The following KCNJ6 variants were observed in gnomAD, a reference collection of about 807,000 sequenced individuals.
The protein encoded by KCNJ6 is G protein-activated inward rectifier potassium channel 2.
Under a neutral mutation model 34.2 loss-of-function variants are expected in KCNJ6, and 9 were observed. The ratio of observed to expected loss-of-function variants is 0.26; its 90% CI spans 0.16 to 0.46. The LOEUF (loss-of-function observed/expected upper bound fraction) is 0.46, where lower values mean the gene tolerates loss of function less well. Among genes scored for constraint, KCNJ6 ranks in the 20% least tolerant of loss-of-function variants. The probability of loss-of-function intolerance (pLI) is 1.00; values close to 1 mark genes in which losing one functional copy is unlikely to be tolerated. For synonymous variants in KCNJ6, 196 were observed against 207.1 expected, an observed-to-expected ratio of 0.95 and a Z score of 0.46; for missense variants, 236 against 531.3, an observed-to-expected ratio of 0.44 and a Z score of 5.46.
intron 2 of KCNJ6, among the ~76,000 whole-genome samples, chr21:37,735,255 A>AG (rs1029077560): frequency 3.9e-5 from 6 of 152,178 alleles, no homozygotes; most frequent in African/African-American, 1.4e-4. Flanking sequence ...CTAGACTCAG[A>AG]GGGTAAGATG....
intron 1 of KCNJ6, among the ~76,000 whole-genome samples, chr21:37,858,158 G>A (rs752492726): frequency 5.9e-4 from 90 of 151,992 alleles, no homozygotes; most frequent in Admixed American, 1.6e-3. Flanking sequence ...TTGGGAGGCC[G>A]AAGAGGGTGG....
In KCNJ6 at chr21:37,840,717, T is replaced by C. The variant is rs554925111; in HGVS notation, c.-27-8A>G. ...TTCTTCTTTGTGCTTTTCCTGGAGG[T>C]GAGAAGAAAAGACAATTATCTGTAA... On this transcript the variant is annotated splice_polypyrimidine_tract_variant and splice_region_variant and intron_variant, in intron 1 of 3. Coordinates refer to ENST00000609713, the MANE Select transcript of KCNJ6 (RefSeq NM_002240.5). The C allele has an allele frequency of 1.9e-5, 29 of 1,533,470 alleles. No individual in the cohort carries two copies. In the African/African-American group the frequency reaches 3.6e-4, roughly 19 times the overall value. The allele number at this position is 1,533,470 out of a possible 1,614,324, so 95.0% of individuals were successfully genotyped here.
chr21:37,629,549 G>A (rs987215953), intron 3 of KCNJ6, among the ~76,000 whole-genome samples: 13 of 152,160 alleles, frequency 8.5e-5, no homozygotes, highest in African/African-American at 2.9e-4. Context: ...CTTATAAGAA[G>A]AGGAAATTAG....
intron 3 of KCNJ6, among the ~76,000 whole-genome samples, chr21:37,680,214 A>G (rs376315671): frequency 1.3e-5 from 2 of 152,138 alleles, no homozygotes; most frequent in Non-Finnish European, 2.9e-5. Context: ...GAGTGAAAAA[A>G]GGTTGTAAAG....
chr21:37,696,285 T>G (rs858006), intron 3 of KCNJ6, among the ~76,000 whole-genome samples: 93,373 of 152,048 alleles, frequency 0.61, 28,990 homozygotes, highest in African/African-American at 0.71. Context: ...ATTTTAAAGT[T>G]AAGAAACCTG....
At position 37,607,477 on chromosome 21, in the gene KCNJ6, TA is replaced by T. The variant is rs1569427863; in HGVS notation, c.*17681del. ...GAGTTCTTAAAGATATATATATATA[TA>T]TATATTTTTTTTTTATTTTAAAAAA... On this transcript the variant is annotated 3_prime_UTR_variant, in exon 4 of 4. Coordinates refer to ENST00000609713, the MANE Select transcript of KCNJ6 (RefSeq NM_002240.5). The T allele has an allele frequency of 1.5e-5, 2 of 135,494 alleles. No individual in the cohort carries two copies. Among genetic ancestry groups the T allele is most frequent in the South Asian group, 2.5e-4 (1 of 3,974 alleles). 8.4% of individuals were successfully genotyped at this position (135,494 alleles called of 1,614,324 possible). A position where few individuals can be genotyped will look rare whatever the true frequency, so the allele number is the denominator to read the frequency against.
intron 2 of KCNJ6, among the ~76,000 whole-genome samples, chr21:37,796,438 A>G (rs995621709): frequency 3.3e-5 from 5 of 152,246 alleles, no homozygotes; most frequent in Admixed American, 3.3e-4. Context: ...GTTCCAGGCC[A>G]GTAGCCTGAC....
chr21:37,709,524 A>AAAAG (rs1289837906), intron 3 of KCNJ6, among the ~76,000 whole-genome samples: 167 of 108,080 alleles, frequency 1.5e-3, no homozygotes, highest in African/African-American at 4.9e-3. Context: ...CAAAAAAAAG[A>AAAAG]AAAGAAAAGA....
chr21:37,708,224 T>C (rs1223358262), intron 3 of KCNJ6, among the ~76,000 whole-genome samples: 1 of 152,234 alleles, frequency 6.6e-6, no homozygotes, highest in Non-Finnish European at 1.5e-5. Context: ...TTAGTGGAGT[T>C]ATAATGCTAG....
chr21:37,868,428 T>TTATACATC (rs1191099107), intron 1 of KCNJ6, among the ~76,000 whole-genome samples: 2 of 152,172 alleles, frequency 1.3e-5, no homozygotes, highest in Non-Finnish European at 2.9e-5. Flanking sequence ...AACAAGTAAA[T>TTATACATC]TATACATCTT....
At chr21:37,676,016 C>A (rs1408618597) in intron 3 of KCNJ6, among the ~76,000 whole-genome samples, 1 of 152,250 alleles carries the variant, frequency 6.6e-6, no homozygotes, top group Non-Finnish European at 1.5e-5. Flanking sequence ...AGAACCCAGA[C>A]CTCCTGAATC....
intron 2 of KCNJ6, among the ~76,000 whole-genome samples, chr21:37,836,124 CA>C (rs2123573310): frequency 6.6e-6 from 1 of 152,224 alleles, no homozygotes; most frequent in African/African-American, 2.4e-5. Context: ...ATGCAGCCAA[CA>C]AACATATGAA....
intron 1 of KCNJ6, among the ~76,000 whole-genome samples, chr21:37,849,818 G>C (rs743293): frequency 0.26 from 39,843 of 152,156 alleles, 6,399 homozygotes; most frequent in South Asian, 0.39. Flanking sequence ...CATTCTTGGA[G>C]CCATGACTTA....
chr21:37,706,680 C>T (rs2054721419), intron 3 of KCNJ6, among the ~76,000 whole-genome samples: 1 of 152,202 alleles, frequency 6.6e-6, no homozygotes, highest in African/African-American at 2.4e-5. Flanking sequence ...ATCATTCTTT[C>T]TATGTAAACA....
At chr21:37,863,908 T>C (rs1439004164) in intron 1 of KCNJ6, among the ~76,000 whole-genome samples, 2 of 145,326 alleles carry the variant, frequency 1.4e-5, no homozygotes, top group Non-Finnish European at 3.0e-5. Flanking sequence ...TTCTGCTATA[T>C]TGGCAGTTTG....
chr21:37,636,179 T>C (rs2054357202), intron 3 of KCNJ6, among the ~76,000 whole-genome samples: 1 of 152,206 alleles, frequency 6.6e-6, no homozygotes, highest in Non-Finnish European at 1.5e-5. Flanking sequence ...ATGGATTGGA[T>C]GGTGCCCACC....
intron 3 of KCNJ6, among the ~76,000 whole-genome samples, chr21:37,646,323 C>T (rs2054404160): frequency 6.6e-6 from 1 of 152,212 alleles, no homozygotes; most frequent in Admixed American, 6.5e-5. Context: ...CAAATCACCA[C>T]CATGTGCCCA....
chr21:37,784,976 A>G (rs1049134934), intron 2 of KCNJ6, among the ~76,000 whole-genome samples: 3 of 152,192 alleles, frequency 2.0e-5, no homozygotes, highest in Non-Finnish European at 2.9e-5. Flanking sequence ...ACAGAGATTC[A>G]TCTCCTAAGA....
chr21:37,616,288 T>C lies in KCNJ6; in HGVS notation c.*8871A>G, dbSNP rs1261658241. 2 of 152,112 alleles carry C rather than the reference T, an allele frequency of 1.3e-5. No homozygotes were observed. The highest frequency in any genetic ancestry group is 2.9e-5 in the Non-Finnish European group (2 of 68,070). 9.4% of individuals were successfully genotyped at this position (152,112 alleles called of 1,614,324 possible). A position where few individuals can be genotyped will look rare whatever the true frequency, so the allele number is the denominator to read the frequency against. On this transcript the variant is annotated 3_prime_UTR_variant, in exon 4 of 4. Coordinates refer to ENST00000609713, the MANE Select transcript of KCNJ6 (RefSeq NM_002240.5). ...GCACTTTGCCAACACAGGCAGACAC[T>C]TGGGGAGTCAATCATTTTGGAATCC... is the stretch of plus-strand genomic sequence containing the variant.
Sources: gnomAD v4.1 joint callset for allele counts (sites outside exome capture counted in the v4.1 genomes callset) on GRCh38, gnomAD v4.1.1 for gene constraint, MANE v1.5 for transcripts, NCBI Gene and HGNC (gene_info 2026-07-23, HGNC 2026-07-21) for gene names.